The following ART3 variants were observed in gnomAD, a reference collection of about 807,000 sequenced individuals.
ART3 encodes ecto-ADP-ribosyltransferase 3.
Under a neutral mutation model 48.5 loss-of-function variants are expected in ART3, and 49 were observed. The ratio of observed to expected loss-of-function variants is 1.01; its 90% CI spans 0.80 to 1.28. The LOEUF is 1.28. Among genes scored for constraint, ART3 ranks in the 50% most tolerant of loss-of-function variants. The probability of loss-of-function intolerance (pLI) is 0.00; values close to 1 mark genes in which losing one functional copy is unlikely to be tolerated. For synonymous variants in ART3, 145 were observed against 157.2 expected (o/e 0.92, Z 0.58); for missense variants, 438 against 454.3 (o/e 0.96, Z 0.33).
rs770836814 is a variant in ART3 at position 76,112,563 on chromosome 4, T to A, written c.*44T>A. On this transcript the variant is annotated 3_prime_UTR_variant, in exon 12 of 12. Transcript: ENST00000355810. ...TTTCTTATTCTTTACTTGAAATAAC[T>A]ATAGGGATCCACAGGAGATCAAAAG... 1.9e-5 allele frequency: 30 copies of A among 1,573,968 alleles called. No individual in the cohort carries two copies. The highest frequency in any genetic ancestry group is 2.6e-5 in the Non-Finnish European group (30 of 1,156,226).
At chr4:76,027,027 G>A (rs1051727331) in intron 1 of ART3, among the ~76,000 whole-genome samples, 2 of 152,182 alleles carry the variant, frequency 1.3e-5, no homozygotes, top group Admixed American at 1.3e-4. Flanking sequence ...CCAGGCGGGT[G>A]GATCACCTTA....
intron 3 of ART3, among the ~76,000 whole-genome samples, chr4:76,091,777 G>C (rs942984377): frequency 6.6e-6 from 1 of 150,824 alleles, no homozygotes; most frequent in African/African-American, 2.5e-5. Flanking sequence ...TGCTTCCTGG[G>C]TTCAAGCAAT....
intron 1 of ART3, among the ~76,000 whole-genome samples, chr4:76,064,501 A>C (rs919121127): frequency 6.6e-6 from 1 of 152,242 alleles, no homozygotes. Flanking sequence ...TCTTGTCTTT[A>C]TACTAAAGAA....
rs778360156 is a variant in ART3 at position 76,082,209 on chromosome 4, C to T, written c.455C>T (p.Pro152Leu). ...AGAGCCCTGCAGTTGCTGAGAAAAC[C>T]TTGTGAGGCCAGTTCCAAAACTGTG... ...LTRALQLLRK[P>L]CEASSKTVVY... The change falls in exon 3 of 12, where the codon CCT (proline) becomes CTT (leucine). Residue 152 changes from proline to leucine, a missense_variant. Transcript: ENST00000355810. The T allele has an allele frequency of 6.2e-7, 1 of 1,614,172 alleles. No homozygotes were observed. Among genetic ancestry groups the T allele is most frequent in the South Asian group, 1.1e-5 (1 of 91,080 alleles).
intron 10 of ART3, chr4:76,105,427 G>A: frequency 8.6e-7 from 1 of 1,156,596 alleles, no homozygotes; most frequent in East Asian, 6.0e-5. Context: ...ATGAGATAAA[G>A]TACCTAGCAA....
intron 5 of ART3, 44 bp downstream of exon 5, chr4:76,099,031 G>T (rs569031539): frequency 1.9e-6 from 3 of 1,559,896 alleles, no homozygotes; most frequent in African/African-American, 2.7e-5. Context: ...GTTGGGCATG[G>T]TGGCTCACGC....
rs968431254 is a variant in ART3, at chr4:76,099,915, G to A, written c.848-376G>A. ...TACTTCCTGTCCTGATAGAAGTGAA[G>A]CACTTTATGCCTTGAAGACTTGCTT... On this transcript the variant is annotated intron_variant, in intron 5 of 11. Coordinates refer to ENST00000355810, the MANE Select transcript of ART3 (RefSeq NM_001130016.3). 5.3e-5 allele frequency among the ~76,000 whole-genome samples: 8 copies of A among 152,302 alleles called. No individual in the cohort carries two copies. The East Asian group carries it at 5.8e-4, about 11-fold the overall frequency.
intron 3 of ART3, among the ~76,000 whole-genome samples, chr4:76,085,566 A>G (rs140786637): frequency 6.6e-6 from 1 of 152,210 alleles, no homozygotes; most frequent in Non-Finnish European, 1.5e-5. Flanking sequence ...GGACGATTCT[A>G]GTTAGAGCAG....
intron 1 of ART3, among the ~76,000 whole-genome samples, chr4:76,043,924 G>A (rs1283547638): frequency 2.6e-5 from 4 of 152,042 alleles, no homozygotes; most frequent in Non-Finnish European, 5.9e-5. Flanking sequence ...ACTTCCTGCT[G>A]GATAGGGGTG....
intron 1 of ART3, among the ~76,000 whole-genome samples, chr4:76,068,321 G>C (rs12498973): frequency 0.21 from 31,357 of 152,082 alleles, 5,494 homozygotes; most frequent in African/African-American, 0.48. Context: ...ATTGTGGCAT[G>C]TATTAATAGT....
chr4:76,084,962 C>T (rs953467260), intron 3 of ART3, among the ~76,000 whole-genome samples: 4 of 152,164 alleles, frequency 2.6e-5, no homozygotes, highest in African/African-American at 9.7e-5. Flanking sequence ...TTATATGTGG[C>T]ATGAGGCTAC....
At chr4:76,093,584 G>T (rs1481770179) in intron 3 of ART3, among the ~76,000 whole-genome samples, 2 of 152,140 alleles carry the variant, frequency 1.3e-5, no homozygotes, top group Non-Finnish European at 2.9e-5. Context: ...CCACCTGAAG[G>T]CCAGCTAATT....
At chr4:76,107,617 C>A (rs1728722361) in intron 10 of ART3, 144 bp from the exon 11 acceptor site, 2 of 501,974 alleles carry the variant, frequency 4.0e-6, no homozygotes, top group East Asian at 3.6e-5. Context: ...TTCCCCTAAC[C>A]CCACACATAC....
chr4:76,070,503 C>T (rs1720204759), upstream of ART3, among the ~76,000 whole-genome samples: 1 of 152,016 alleles, frequency 6.6e-6, no homozygotes, highest in African/African-American at 2.4e-5. Context: ...GATCTTTTGC[C>T]CGTAATCATT....
rs184419218 is a variant in ART3 at position 76,104,382 on chromosome 4, T to C, written c.971-215T>C. ...ACACGATATTCTCCTGGCATAAACA[T>C]GCTCAGTGAAGTGCTATGGCAGAAG... is the stretch of plus-strand genomic sequence containing the variant. On this transcript the variant is annotated intron_variant, in intron 9 of 11. Transcript: ENST00000355810. The C allele has an allele frequency of 1.1e-4, 105 of 985,456 alleles. No homozygotes were observed. In the African/African-American group the frequency reaches 1.8e-3, roughly 17 times the overall value. 61.0% of individuals were successfully genotyped at this position (985,456 alleles called of 1,614,324 possible).
chr4:76,034,740 T>C, intron 1 of ART3: 1 of 1,320,392 alleles, frequency 7.6e-7, no homozygotes, highest in Non-Finnish European at 1.1e-6. Flanking sequence ...CAGTTAAACT[T>C]GTTCTAGGTT....
At chr4:76,060,751 G>A (rs1224618299) in intron 1 of ART3, among the ~76,000 whole-genome samples, 1 of 152,210 alleles carries the variant, frequency 6.6e-6, no homozygotes, top group Admixed American at 6.5e-5. Flanking sequence ...TTGATTATGA[G>A]AGATTCCACT....
At chr4:76,047,766 C>A (rs1735652956) in intron 1 of ART3, among the ~76,000 whole-genome samples, 1 of 151,952 alleles carries the variant, frequency 6.6e-6, no homozygotes, top group Non-Finnish European at 1.5e-5. Flanking sequence ...TCTCCAAACT[C>A]TCGGGCTGCA....
At chr4:76,013,357 G>A (rs1165824011) in intron 1 of ART3, among the ~76,000 whole-genome samples, 1 of 152,178 alleles carries the variant, frequency 6.6e-6, no homozygotes, top group Admixed American at 6.5e-5. Flanking sequence ...ACAAGACGAT[G>A]AAGTGCCTTG....
Sources: allele counts gnomAD v4.1 joint callset (sites outside exome capture counted in the v4.1 genomes callset), GRCh38; gene constraint gnomAD v4.1.1; transcripts MANE v1.5; gene names NCBI Gene and HGNC (gene_info 2026-07-23, HGNC 2026-07-21).